The following NKD1 variants were observed in gnomAD, a reference collection of about 807,000 sequenced individuals.
The protein encoded by NKD1 is NKD inhibitor of Wnt signaling pathway 1.
In NKD1, 21 loss-of-function variants were observed where a neutral mutation model predicts 56.0. The observed-to-expected ratio is 0.38, with a 90% CI of 0.27 to 0.54. The LOEUF is 0.54. Among genes scored for constraint, NKD1 ranks in the 20% least tolerant of loss-of-function variants. The probability of loss-of-function intolerance (pLI) is 0.82; values close to 1 mark genes in which losing one functional copy is unlikely to be tolerated. For synonymous variants in NKD1, 263 were observed against 265.7 expected (o/e 0.99, Z 0.10); for missense variants, 578 against 642.7 (o/e 0.90, Z 1.09).
chr16:50,549,333 C>T, intron 2 of NKD1, 89 bp from the exon 3 acceptor site: 1 of 1,510,132 alleles, frequency 6.6e-7, no homozygotes, highest in South Asian at 1.2e-5. Flanking sequence ...TGGTCCTTCG[C>T]CTCCCACCGC....
chr16:50,555,942 C>G (rs1455792721), intron 3 of NKD1: 1 of 152,200 alleles, frequency 6.6e-6, no homozygotes, highest in Admixed American at 6.6e-5. Flanking sequence ...CCTCTCCCTC[C>G]CCACGTCCCT....
chr16:50,596,427 CAT>C (rs1345037013), intron 3 of NKD1, among the ~76,000 whole-genome samples: 94 of 151,992 alleles, frequency 6.2e-4, no homozygotes, highest in Non-Finnish European at 2.9e-4. Flanking sequence ...TAGAAGTAAT[CAT>C]GTGTGTTCAT....
chr16:50,558,036 G>A (rs1960541206), intron 3 of NKD1: 1 of 152,292 alleles, frequency 6.6e-6, no homozygotes, highest in Non-Finnish European at 1.5e-5. Context: ...CAAGGGGGCA[G>A]TGCCACTCAA....
At chr16:50,579,169 C>G (rs888651173) in intron 3 of NKD1, among the ~76,000 whole-genome samples, 1 of 151,670 alleles carries the variant, frequency 6.6e-6, no homozygotes, top group Admixed American at 6.6e-5. Context: ...ACCAGCCACA[C>G]ATGCACTGTC....
rs1596762148 is a variant in NKD1 at position 50,633,119 on chromosome 16, T to G, written c.824-73T>G. On this transcript the variant is annotated intron_variant, in intron 9 of 9. Coordinates refer to ENST00000268459, the MANE Select transcript of NKD1 (RefSeq NM_033119.5). The surrounding 1 kb of genome is among the most constrained non-coding windows in gnomAD (Gnocchi z 4.9). ...GGTTTTGGAGAACTGGGGGCGGGGG[T>G]GATGTCTGGGGTATAGCGCAAGCCC... The G allele has an allele frequency of 3.0e-6, 4 of 1,355,660 alleles. No individual in the cohort carries two copies. The highest frequency in any genetic ancestry group is 2.6e-5 in the East Asian group (1 of 38,134). The allele number at this position is 1,355,660 out of a possible 1,614,324, so 84.0% of individuals were successfully genotyped here. A position where few individuals can be genotyped will look rare whatever the true frequency, so the allele number is the denominator to read the frequency against.
At chr16:50,630,161 G>A (rs776115537) in intron 6 of NKD1, 25 bp from the exon 7 acceptor site, 11 of 1,611,278 alleles carry the variant, frequency 6.8e-6, no homozygotes, top group South Asian at 2.2e-5. Context: ...AACCCTGCAT[G>A]GGTCTCCGCT....
At chr16:50,629,457 C>T (rs771432691) in intron 6 of NKD1, among the ~76,000 whole-genome samples, 6 of 152,166 alleles carry the variant, frequency 3.9e-5, no homozygotes, top group African/African-American at 7.2e-5. Context: ...ATTTCGAACC[C>T]GAAGCAGATG....
chr16:50,603,591 G>T (rs1318182795), intron 3 of NKD1, among the ~76,000 whole-genome samples: 1 of 152,250 alleles, frequency 6.6e-6, no homozygotes, highest in East Asian at 1.9e-4. Flanking sequence ...ACCAACATCT[G>T]TTAGCTCTTA....
At chr16:50,629,183 G>A (rs1161295578) in intron 6 of NKD1, among the ~76,000 whole-genome samples, 1 of 151,930 alleles carries the variant, frequency 6.6e-6, no homozygotes, top group Non-Finnish European at 1.5e-5. Context: ...GGCTGGTCTT[G>A]AACTTCTGGG....
chr16:50,600,269 A>C (rs1172730476), intron 3 of NKD1, among the ~76,000 whole-genome samples: 1 of 152,082 alleles, frequency 6.6e-6, no homozygotes, highest in African/African-American at 2.4e-5. Context: ...ACAACAAAAA[A>C]CACCTAACCT....
chr16:50,562,986 A>G (rs3037662), intron 3 of NKD1, among the ~76,000 whole-genome samples: 1 of 60,410 alleles, frequency 1.7e-5, no homozygotes, highest in African/African-American at 9.4e-5. Context: ...TCCCACCACC[A>G]CCCCCCCCCC....
chr16:50,554,539 G>A (rs1012526190), intron 3 of NKD1, among the ~76,000 whole-genome samples: 1 of 152,084 alleles, frequency 6.6e-6, no homozygotes, highest in African/African-American at 2.4e-5. Context: ...CTTTTCCCAG[G>A]TCCTTCTGTC....
In NKD1 at chr16:50,648,665, A is replaced by G. The variant is rs890811425; in HGVS notation, c.*14884A>G. ...AATACAGCCTCTGATTTTGAGCCCA[A>G]GAATAAAGACTACAGTTCTCAGACT... On this transcript the variant is annotated 3_prime_UTR_variant, in exon 10 of 10. Transcript: ENST00000268459. The G allele has an allele frequency of 6.6e-6, 1 of 152,248 alleles. No homozygotes were observed. Among genetic ancestry groups the G allele is most frequent in the Non-Finnish European group, 1.5e-5 (1 of 68,052 alleles). 9.4% of individuals were successfully genotyped at this position (152,248 alleles called of 1,614,324 possible).
At chr16:50,592,866 C>T (rs1019683341) in intron 3 of NKD1, among the ~76,000 whole-genome samples, 1 of 152,044 alleles carries the variant, frequency 6.6e-6, no homozygotes, top group Non-Finnish European at 1.5e-5. Flanking sequence ...GTTGTAGGGA[C>T]GGCATCCCTG....
At chr16:50,570,254 C>T (rs1159255978) in intron 3 of NKD1, among the ~76,000 whole-genome samples, 2 of 152,208 alleles carry the variant, frequency 1.3e-5, no homozygotes, top group Admixed American at 6.5e-5. Flanking sequence ...GTTCCTGTCA[C>T]ACAGCACTGG....
chr16:50,625,136 C>T (rs756618381), intron 5 of NKD1: 7 of 333,288 alleles, frequency 2.1e-5, no homozygotes, highest in Non-Finnish European at 3.4e-5. Context: ...TCCCAAATTG[C>T]CGCTCCTTTG....
intron 4 of NKD1, 27 bp from the exon 5 acceptor site, chr16:50,621,575 A>G (rs761114039): frequency 6.4e-7 from 1 of 1,568,380 alleles, no homozygotes; most frequent in South Asian, 1.1e-5. Context: ...CCTGCTCCTA[A>G]TGCTCCCTCG....
At chr16:50,561,946 T>C (rs923045378) in intron 3 of NKD1, among the ~76,000 whole-genome samples, 8 of 152,058 alleles carry the variant, frequency 5.3e-5, no homozygotes, top group Admixed American at 2.6e-4. Context: ...CACAGTTGGG[T>C]CTGGCAGGAA....
chr16:50,585,718 G>C (rs955079219), intron 3 of NKD1, among the ~76,000 whole-genome samples: 1 of 152,192 alleles, frequency 6.6e-6, no homozygotes, highest in Non-Finnish European at 1.5e-5. Flanking sequence ...GCTGGACACT[G>C]TGCTCTGTGA....
Sources: allele counts gnomAD v4.1 joint callset (sites outside exome capture counted in the v4.1 genomes callset), GRCh38; gene constraint gnomAD v4.1.1; non-coding constraint Gnocchi (gnomAD v3.1); transcripts MANE v1.5; gene names NCBI Gene and HGNC (gene_info 2026-07-23, HGNC 2026-07-21).